The following RPS6KC1 variants were observed in gnomAD, a reference collection of about 807,000 sequenced individuals.
The protein encoded by RPS6KC1 is inactive ribosomal protein S6 kinase delta-1.
RPS6KC1 carries 54 observed loss-of-function variants against 103.8 expected under a neutral mutation model. The ratio of observed to expected loss-of-function variants is 0.52; its 90% CI spans 0.42 to 0.65. RPS6KC1 has a LOEUF of 0.65. Among genes scored for constraint, RPS6KC1 ranks in the 30% least tolerant of loss-of-function variants. RPS6KC1 has a pLI of 0.00. For synonymous variants in RPS6KC1, 439 were observed against 438.7 expected, an observed-to-expected ratio of 1.00 and a Z score of -0.01; for missense variants, 1,151 against 1,253.8, an observed-to-expected ratio of 0.92 and a Z score of 1.24.
chr1:213,278,416 G>A (rs543540115), downstream of RPS6KC1, among the ~76,000 whole-genome samples: 1 of 152,288 alleles, frequency 6.6e-6, no homozygotes, highest in Non-Finnish European at 1.5e-5. Flanking sequence ...AAGAAGAAAA[G>A]GAGAGGTAAT....
chr1:213,314,056 A>G, the RPS6KC1 span, among the ~76,000 whole-genome samples: 7 of 151,756 alleles, frequency 4.6e-5, no homozygotes, highest in Non-Finnish European at 8.8e-5. Context: ...CCGAGACTCC[A>G]GCTGGGAAGG....
chr1:213,611,730 C>T, the RPS6KC1 span, among the ~76,000 whole-genome samples: 5 of 152,164 alleles, frequency 3.3e-5, no homozygotes, highest in African/African-American at 7.2e-5. Context: ...AGCTTATAGT[C>T]CTCATTTCTG....
the RPS6KC1 span, among the ~76,000 whole-genome samples, chr1:213,364,549 C>G: frequency 1.3e-5 from 2 of 152,142 alleles, no homozygotes; most frequent in African/African-American, 4.8e-5. Flanking sequence ...GAGAGGACCT[C>G]TCTTCTGCAT....
chr1:213,635,654 C>T, the RPS6KC1 span, among the ~76,000 whole-genome samples: 1 of 152,158 alleles, frequency 6.6e-6, no homozygotes, highest in African/African-American at 2.4e-5. Context: ...AAACCCACAG[C>T]AAATATCATA....
the RPS6KC1 span, among the ~76,000 whole-genome samples, chr1:213,812,189 A>T: frequency 6.6e-6 from 1 of 152,146 alleles, no homozygotes; most frequent in African/African-American, 2.4e-5. Flanking sequence ...GAAGTGAAGG[A>T]AAAGGAGGGA....
the RPS6KC1 span, among the ~76,000 whole-genome samples, chr1:213,562,537 C>T: frequency 0.049 from 7,425 of 151,522 alleles, 643 homozygotes; most frequent in African/African-American, 0.17. Context: ...CTACAGTTGC[C>T]GGCCACCACG....
the RPS6KC1 span, among the ~76,000 whole-genome samples, chr1:213,340,485 G>A: frequency 5.9e-5 from 9 of 152,178 alleles, no homozygotes; most frequent in African/African-American, 2.2e-4. Flanking sequence ...AAGATGCAAT[G>A]TAATTATATA....
chr1:213,806,286 C>T, the RPS6KC1 span, among the ~76,000 whole-genome samples: 6 of 152,054 alleles, frequency 3.9e-5, no homozygotes, highest in African/African-American at 7.2e-5. Context: ...GAGCAGAGAT[C>T]GCACCACTGT....
At chr1:213,363,903 A>G in the RPS6KC1 span, among the ~76,000 whole-genome samples, 1 of 149,632 alleles carries the variant, frequency 6.7e-6, no homozygotes, top group South Asian at 2.1e-4. Context: ...TTCATTGGCC[A>G]GAAGAGTTTC....
At chr1:213,680,502 G>T in the RPS6KC1 span, among the ~76,000 whole-genome samples, 4 of 152,282 alleles carry the variant, frequency 2.6e-5, no homozygotes, top group East Asian at 1.9e-4. Context: ...CTTGCAAAAG[G>T]ACTGTCAGAA....
chr1:213,332,594 C>T, the RPS6KC1 span, among the ~76,000 whole-genome samples: 1 of 152,178 alleles, frequency 6.6e-6, no homozygotes, highest in African/African-American at 2.4e-5. Flanking sequence ...TGGGCCAGAT[C>T]CTGCAGGTAG....
At chr1:213,790,124 C>G in the RPS6KC1 span, among the ~76,000 whole-genome samples, 3 of 152,094 alleles carry the variant, frequency 2.0e-5, no homozygotes, top group Non-Finnish European at 4.4e-5. Flanking sequence ...ACCCAGCATT[C>G]CAAAGTCACC....
At chr1:213,104,304 T>C in intron 3 of RPS6KC1, 150 bp from the exon 4 acceptor site, 1 of 466,188 alleles carries the variant, frequency 2.1e-6, no homozygotes, top group Non-Finnish European at 3.9e-6. Flanking sequence ...ATTCTAATTG[T>C]AGAGATTAGA....
chr1:213,317,190 A>C, the RPS6KC1 span, among the ~76,000 whole-genome samples: 1 of 152,210 alleles, frequency 6.6e-6, no homozygotes, highest in African/African-American at 2.4e-5. Flanking sequence ...CTCTCAAACA[A>C]AACTTTCTGA....
At chr1:213,531,164 A>G in the RPS6KC1 span, among the ~76,000 whole-genome samples, 1 of 152,104 alleles carries the variant, frequency 6.6e-6, no homozygotes, top group African/African-American at 2.4e-5. Context: ...TTAGAAAGGG[A>G]ACCCCGGTTC....
chr1:213,732,371 G>GTGTA, the RPS6KC1 span, among the ~76,000 whole-genome samples: 2 of 151,972 alleles, frequency 1.3e-5, no homozygotes, highest in South Asian at 4.2e-4. Flanking sequence ...GTGTGTGTGT[G>GTGTA]TGTGTAAGCC....
chr1:213,851,589 C>A, the RPS6KC1 span, among the ~76,000 whole-genome samples: 2 of 152,298 alleles, frequency 1.3e-5, no homozygotes, highest in South Asian at 2.1e-4. Context: ...AACTTCCACT[C>A]GTCTATGTGC....
chr1:213,296,863 G>GT, the RPS6KC1 span, among the ~76,000 whole-genome samples: 11 of 152,196 alleles, frequency 7.2e-5, no homozygotes, highest in African/African-American at 2.4e-4. Context: ...TTCTTTTAGA[G>GT]TTTTTTTTAA....
intron 3 of RPS6KC1, among the ~76,000 whole-genome samples, chr1:213,083,457 C>G (rs1387537341): frequency 6.6e-6 from 1 of 152,196 alleles, no homozygotes; most frequent in African/African-American, 2.4e-5. Context: ...TATTCCATGC[C>G]TATCCCACTA....
Sources: allele counts gnomAD v4.1 joint callset (sites outside exome capture counted in the v4.1 genomes callset), GRCh38; gene constraint gnomAD v4.1.1; transcripts MANE v1.5; gene names NCBI Gene and HGNC (gene_info 2026-07-23, HGNC 2026-07-21).